The following NOL4 variants were observed in gnomAD, a reference collection of about 807,000 sequenced individuals.
The protein encoded by NOL4 is nucleolar protein 4.
A neutral mutation model predicts 75.9 loss-of-function variants in NOL4; 17 were observed. That is an observed-to-expected ratio of 0.22 (90% confidence interval 0.15 to 0.34). The LOEUF (loss-of-function observed/expected upper bound fraction) is 0.34, where lower values mean the gene tolerates loss of function less well. Among genes scored for constraint, NOL4 ranks in the 10% least tolerant of loss-of-function variants. NOL4 has a pLI of 1.00. For missense variants in NOL4, 614 were observed against 793.5 expected (o/e 0.77, Z 2.72); for synonymous variants, 292 against 289.9 (o/e 1.01, Z -0.07).
chr18:33,979,709 G>A (rs1465804510), intron 6 of NOL4, among the ~76,000 whole-genome samples: 2 of 151,834 alleles, frequency 1.3e-5, no homozygotes, highest in African/African-American at 4.8e-5. Context: ...AATTATGTGA[G>A]TATTTACACT....
chr18:33,945,048 A>G (rs1428431215), intron 8 of NOL4, among the ~76,000 whole-genome samples: 5 of 151,938 alleles, frequency 3.3e-5, no homozygotes, highest in Non-Finnish European at 7.4e-5. Flanking sequence ...ATTATCAAAA[A>G]ATAAAACAAA....
intron 6 of NOL4, among the ~76,000 whole-genome samples, chr18:33,986,413 C>T (rs2072459871): frequency 6.6e-6 from 1 of 151,966 alleles, no homozygotes; most frequent in Non-Finnish European, 1.5e-5. Flanking sequence ...TATAAAAACA[C>T]AAATGGGCAG....
intron 10 of NOL4, among the ~76,000 whole-genome samples, chr18:33,854,016 A>T (rs1286939056): frequency 1.3e-5 from 2 of 152,048 alleles, no homozygotes; most frequent in Admixed American, 1.3e-4. Flanking sequence ...GTAGTTATTA[A>T]ATTTGCAGTA....
In NOL4 at chr18:33,957,363, T is replaced by G; in HGVS notation, c.1391A>C (p.Lys464Thr). The change falls in exon 8 of 11, where the codon AAG (lysine) becomes ACG (threonine). Residue 464 changes from lysine to threonine, a missense_variant. Lys to Thr is a moderately conservative substitution (Grantham distance 78). This residue lies in a region of NOL4 where 52 missense variants were observed against 121.1 expected (regional missense o/e 0.43). Transcript: ENST00000261592. Reference sequence around the variant, plus strand: ...ACTTCTTTTCATCCGCCTGCAGGACTTGAGGTAAGTACGTATACGTTTTCT... The same window carrying G: ...ACTTCTTTTCATCCGCCTGCAGGACGTGAGGTAAGTACGTATACGTTTTCT... ...RARKRIRTYL[K>T]SCRRMKRSGF... The G allele has an allele frequency of 6.2e-7, 1 of 1,613,558 alleles. No homozygotes were observed. Among genetic ancestry groups the G allele is most frequent in the Non-Finnish European group, 8.5e-7 (1 of 1,179,686 alleles).
At chr18:33,893,508 TGATTC>T (rs2065220293) in intron 9 of NOL4, among the ~76,000 whole-genome samples, 1 of 152,266 alleles carries the variant, frequency 6.6e-6, no homozygotes, top group East Asian at 1.9e-4. Flanking sequence ...GAAGTTTCAT[TGATTC>T]GATTCAACTT....
At chr18:34,135,402 A>G (rs929207413) in intron 1 of NOL4, among the ~76,000 whole-genome samples, 1 of 152,126 alleles carries the variant, frequency 6.6e-6, no homozygotes, top group Non-Finnish European at 1.5e-5. Context: ...ATTAGTAATT[A>G]AAAAAGCTAT....
chr18:34,102,938 C>T (rs905052351), intron 4 of NOL4, among the ~76,000 whole-genome samples: 1 of 151,736 alleles, frequency 6.6e-6, no homozygotes, highest in Admixed American at 6.6e-5. Flanking sequence ...TCCAATATTG[C>T]CACTGCACTA....
At chr18:34,083,233 T>C (rs1184678898) in intron 5 of NOL4, among the ~76,000 whole-genome samples, 1 of 152,144 alleles carries the variant, frequency 6.6e-6, no homozygotes. Flanking sequence ...ATTTTGGCAA[T>C]ATTTGTGAGC....
chr18:33,930,272 C>T (rs1242599974), intron 9 of NOL4, among the ~76,000 whole-genome samples: 2 of 152,078 alleles, frequency 1.3e-5, no homozygotes, highest in African/African-American at 2.4e-5. Flanking sequence ...TATAATGGAA[C>T]ATCTATTATT....
chr18:33,866,869 C>T (rs2063453076), intron 10 of NOL4, among the ~76,000 whole-genome samples: 1 of 152,062 alleles, frequency 6.6e-6, no homozygotes, highest in African/African-American at 2.4e-5. Flanking sequence ...TATTTACATA[C>T]ATGTATACAT....
At chr18:33,863,186 C>T (rs188743683) in intron 10 of NOL4, among the ~76,000 whole-genome samples, 1 of 152,184 alleles carries the variant, frequency 6.6e-6, no homozygotes, top group African/African-American at 2.4e-5. Context: ...AAACCAAACA[C>T]CACATATTCT....
intron 6 of NOL4, among the ~76,000 whole-genome samples, chr18:33,973,411 C>T (rs1289402566): frequency 2.0e-5 from 3 of 152,192 alleles, no homozygotes; most frequent in African/African-American, 4.8e-5. Flanking sequence ...GGGTTGGAAT[C>T]AACTTCTTCC....
chr18:34,205,197 A>T (rs2036035780), intron 1 of NOL4, among the ~76,000 whole-genome samples: 1 of 152,052 alleles, frequency 6.6e-6, no homozygotes, highest in African/African-American at 2.4e-5. Flanking sequence ...TCATCATAAT[A>T]TTATTTATGC....
chr18:34,058,878 T>C, intron 5 of NOL4, among the ~76,000 whole-genome samples: 1 of 151,966 alleles, frequency 6.6e-6, no homozygotes, highest in Non-Finnish European at 1.5e-5. Flanking sequence ...TCTCAAATCC[T>C]TTTCCACAGC....
chr18:34,058,136 C>G (rs1224800130), intron 5 of NOL4, among the ~76,000 whole-genome samples: 3 of 151,886 alleles, frequency 2.0e-5, no homozygotes, highest in African/African-American at 7.3e-5. Context: ...CCTGTTGTTC[C>G]TTATTTCTTT....
intron 6 of NOL4, among the ~76,000 whole-genome samples, chr18:33,964,660 C>T (rs565073987): frequency 8.5e-4 from 129 of 152,242 alleles, no homozygotes; most frequent in South Asian, 4.8e-3. Flanking sequence ...TGCAAAGGCT[C>T]AGCTCCCTCC....
intron 9 of NOL4, among the ~76,000 whole-genome samples, chr18:33,924,590 C>T (rs2067220936): frequency 6.6e-6 from 1 of 152,102 alleles, no homozygotes; most frequent in East Asian, 1.9e-4. Flanking sequence ...CGTACCTACC[C>T]TCATCCCAGT....
chr18:33,873,138 T>A (rs2063776187), intron 10 of NOL4, among the ~76,000 whole-genome samples: 1 of 152,032 alleles, frequency 6.6e-6, no homozygotes, highest in African/African-American at 2.4e-5. Context: ...GATCTTCCAA[T>A]TGTGTAAAGG....
chr18:33,868,905 A>C, intron 10 of NOL4, among the ~76,000 whole-genome samples: 1 of 152,112 alleles, frequency 6.6e-6, no homozygotes, highest in East Asian at 1.9e-4. Flanking sequence ...TAAAAATCCA[A>C]TACAACCCTC....
Sources: gnomAD v4.1 joint callset for allele counts (sites outside exome capture counted in the v4.1 genomes callset) on GRCh38, gnomAD v4.1.1 for gene constraint, gnomAD v4.1.1 regional missense constraint, MANE v1.5 for transcripts, NCBI Gene and HGNC (gene_info 2026-07-23, HGNC 2026-07-21) for gene names.